RGL1: variants seen among roughly 807,000 people sequenced by gnomAD.
The protein encoded by RGL1 is ral guanine nucleotide dissociation stimulator-like 1.
Under a neutral mutation model 95.2 loss-of-function variants are expected in RGL1, and 24 were observed. The ratio of observed to expected loss-of-function variants is 0.25; its 90% CI spans 0.18 to 0.35. The LOEUF is 0.35. Among genes scored for constraint, RGL1 ranks in the 10% least tolerant of loss-of-function variants. RGL1 has a pLI of 1.00. For missense variants in RGL1, 715 were observed against 936.3 expected, an observed-to-expected ratio of 0.76 and a Z score of 3.08; for synonymous variants, 329 against 344.9, an observed-to-expected ratio of 0.95 and a Z score of 0.51.
chr1:183,729,921 A>G (rs544471266), intron 1 of RGL1, among the ~76,000 whole-genome samples: 6 of 152,276 alleles, frequency 3.9e-5, no homozygotes, highest in African/African-American at 4.8e-5. Flanking sequence ...AACTTAACAT[A>G]TATTTACAGA....
intron 4 of RGL1, among the ~76,000 whole-genome samples, chr1:183,874,819 T>C (rs1666392496): frequency 6.6e-6 from 1 of 152,230 alleles, no homozygotes; most frequent in Non-Finnish European, 1.5e-5. Flanking sequence ...GAAAATCATC[T>C]AGCTGGAGGT....
chr1:183,917,484 A>T (rs893176384), intron 16 of RGL1, among the ~76,000 whole-genome samples: 1 of 152,170 alleles, frequency 6.6e-6, no homozygotes, highest in African/African-American at 2.4e-5. Context: ...CTAATTCCAC[A>T]TCTCTCCTCA....
chr1:183,722,839 G>A (rs558732185), intron 1 of RGL1, among the ~76,000 whole-genome samples: 10 of 139,606 alleles, frequency 7.2e-5, no homozygotes, highest in Non-Finnish European at 1.3e-4. Context: ...CAGGCAGAAG[G>A]AAAATGATAC....
chr1:183,870,903 G>A (rs1030760434), intron 4 of RGL1, among the ~76,000 whole-genome samples: 1 of 152,184 alleles, frequency 6.6e-6, no homozygotes, highest in East Asian at 1.9e-4. Context: ...AGGCCCTGGT[G>A]AAGGAGCCTG....
rs116442706 is a variant in RGL1, at chr1:183,828,837, G to A, written c.139-18729G>A. 7.6e-3 allele frequency among the ~76,000 whole-genome samples: 1,132 copies of A among 149,516 alleles called. 6 individuals carry two copies. The highest frequency in any genetic ancestry group is 0.01 in the Non-Finnish European group (691 of 67,014). ...TTAAAGCAAGTGTATGCTTCTACTCGGAATAAAACTGGTATCAGTCAATGA... is the reference window on the plus strand; with the variant it reads ...TTAAAGCAAGTGTATGCTTCTACTCAGAATAAAACTGGTATCAGTCAATGA... On this transcript the variant is annotated intron_variant, in intron 2 of 17. Coordinates refer to ENST00000360851, the MANE Select transcript of RGL1 (RefSeq NM_001297671.3).
chr1:183,797,710 C>G (rs570865809), intron 2 of RGL1, among the ~76,000 whole-genome samples: 2 of 152,100 alleles, frequency 1.3e-5, no homozygotes, highest in Non-Finnish European at 2.9e-5. Flanking sequence ...TTACCCTTTG[C>G]AAAGGAAGGT....
At chr1:183,686,342 T>C (rs1653581946) in intron 1 of RGL1, among the ~76,000 whole-genome samples, 1 of 152,210 alleles carries the variant, frequency 6.6e-6, no homozygotes, top group Admixed American at 6.5e-5. Context: ...TTAATAAAAA[T>C]ATTTTCTCTT....
chr1:183,839,743 G>T (rs1191393886), intron 2 of RGL1, among the ~76,000 whole-genome samples: 1 of 152,168 alleles, frequency 6.6e-6, no homozygotes, highest in Non-Finnish European at 1.5e-5. Flanking sequence ...GTAGTCTCCT[G>T]CTGGCTCTCC....
chr1:183,668,300 C>T (rs1009041890), intron 1 of RGL1, among the ~76,000 whole-genome samples: 26 of 152,148 alleles, frequency 1.7e-4, no homozygotes, highest in Admixed American at 1.3e-3. Context: ...CACTTCTGAA[C>T]GTTAATTTCA....
chr1:183,757,061 T>C (rs928816557), intron 2 of RGL1, among the ~76,000 whole-genome samples: 1 of 147,076 alleles, frequency 6.8e-6, no homozygotes, highest in Admixed American at 7.0e-5. Flanking sequence ...TTGCACGGAG[T>C]CATCCACTAT....
chr1:183,757,581 T>C (rs368790382), intron 2 of RGL1, among the ~76,000 whole-genome samples: 1 of 152,274 alleles, frequency 6.6e-6, no homozygotes. Flanking sequence ...CTGAGATGGG[T>C]AAAATAGACA....
At chr1:183,870,518 G>T (rs879688151) in intron 4 of RGL1, among the ~76,000 whole-genome samples, 7 of 151,258 alleles carry the variant, frequency 4.6e-5, no homozygotes, top group Non-Finnish European at 1.0e-4. Context: ...CTGGCCCGCT[G>T]TCTTCCTGCT....
chr1:183,670,965 TTTAA>T (rs1209327959), intron 1 of RGL1, among the ~76,000 whole-genome samples: 1 of 152,154 alleles, frequency 6.6e-6, no homozygotes, highest in Non-Finnish European at 1.5e-5. Context: ...AGGAAAGAGG[TTTAA>T]TTGACTCTCA....
Position 183,928,186 on chromosome 1 carries a change from C to T in RGL1, c.*1894C>T, listed in dbSNP as rs934741363. On this transcript the variant is annotated 3_prime_UTR_variant, in exon 18 of 18. Transcript: ENST00000360851. Reference sequence around the variant, plus strand: ...GGTAAAAAAAAAAAAATAAATAAAACCATTGGCCTGGTTGAGGGCGTGACC... The same window carrying T: ...GGTAAAAAAAAAAAAATAAATAAAATCATTGGCCTGGTTGAGGGCGTGACC... 6.6e-6 allele frequency: 1 copy of T among 151,098 alleles called. No homozygotes were observed. The highest frequency in any genetic ancestry group is 1.5e-5 in the Non-Finnish European group (1 of 67,710). 9.4% of individuals were successfully genotyped at this position (151,098 alleles called of 1,614,324 possible). A position where few individuals can be genotyped will look rare whatever the true frequency, so the allele number is the denominator to read the frequency against.
intron 2 of RGL1, among the ~76,000 whole-genome samples, chr1:183,839,276 C>G (rs977183399): frequency 2.0e-5 from 3 of 152,184 alleles, no homozygotes; most frequent in African/African-American, 7.2e-5. Flanking sequence ...GTTGGACTTA[C>G]CATTGGCATG....
upstream of RGL1, among the ~76,000 whole-genome samples, chr1:183,803,312 C>T (rs1297177305): frequency 6.6e-6 from 1 of 152,148 alleles, no homozygotes; most frequent in African/African-American, 2.4e-5. Flanking sequence ...TTACCATGTG[C>T]TTGATGATTT....
chr1:183,668,923 G>A (rs1299909623), intron 1 of RGL1, among the ~76,000 whole-genome samples: 1 of 145,788 alleles, frequency 6.9e-6, no homozygotes, highest in Admixed American at 6.9e-5. Flanking sequence ...TTTGCTTTTG[G>A]TATTGGACTT....
chr1:183,902,171 A>G (rs542219138), intron 11 of RGL1, among the ~76,000 whole-genome samples: 7 of 152,216 alleles, frequency 4.6e-5, no homozygotes, highest in Non-Finnish European at 8.8e-5. Context: ...GATGCTATGG[A>G]GAAATGACTT....
intron 2 of RGL1, among the ~76,000 whole-genome samples, chr1:183,835,794 A>G (rs1034580934): frequency 6.6e-6 from 1 of 152,200 alleles, no homozygotes; most frequent in Non-Finnish European, 1.5e-5. Context: ...ATAGCTTGTA[A>G]TCTTTCAACA....
Sources: allele counts gnomAD v4.1 joint callset (sites outside exome capture counted in the v4.1 genomes callset), GRCh38; gene constraint gnomAD v4.1.1; transcripts MANE v1.5; gene names NCBI Gene and HGNC (gene_info 2026-07-23, HGNC 2026-07-21).